The following SPG11 variants were observed in gnomAD, a reference collection of about 807,000 sequenced individuals.
SPG11 encodes spatacsin.
SPG11 carries 222 observed loss-of-function variants against 274.0 expected under a neutral mutation model. The ratio of observed to expected loss-of-function variants is 0.81; its 90% CI spans 0.73 to 0.91. The LOEUF is 0.91. Among genes scored for constraint, SPG11 ranks in the 40% least tolerant of loss-of-function variants. The pLI is 0.00. For missense variants in SPG11, 3,114 were observed against 2,872.7 expected, an observed-to-expected ratio of 1.08 and a Z score of -1.92; for synonymous variants, 1,144 against 1,039.7, an observed-to-expected ratio of 1.10 and a Z score of -1.93.
At chr15:44,571,687 C>T (rs965095381) in intron 33 of SPG11, among the ~76,000 whole-genome samples, 11 of 151,510 alleles carry the variant, frequency 7.3e-5, no homozygotes, top group South Asian at 2.1e-4. Context: ...TTAGTAGAGA[C>T]GGGGTTTCAC....
intron 11 of SPG11, among the ~76,000 whole-genome samples, 176 bp from the exon 12 acceptor site, chr15:44,622,975 G>A (rs1049913377): frequency 1.3e-5 from 2 of 152,176 alleles, no homozygotes; most frequent in Non-Finnish European, 2.9e-5. Context: ...TTTTGAGACA[G>A]TCTAGCTGTG....
At chr15:44,572,575 A>T in intron 33 of SPG11, 108 bp downstream of exon 33, 1 of 1,115,166 alleles carries the variant, frequency 9.0e-7, no homozygotes, top group Non-Finnish European at 1.4e-6. Context: ...CTGGAGGGCT[A>T]GGCATCCAGA....
chr15:44,573,442 A>G (rs1595827989), intron 32 of SPG11, 105 bp downstream of exon 32: 2 of 1,236,634 alleles, frequency 1.6e-6, no homozygotes, highest in Non-Finnish European at 1.2e-6. Flanking sequence ...CAGAAACTTG[A>G]GAGAACCACA....
At chr15:44,604,213 AG>A in intron 20 of SPG11, 1 of 416,062 alleles carries the variant, frequency 2.4e-6, no homozygotes, top group South Asian at 1.8e-5. Flanking sequence ...AAAAAAAAAA[AG>A]GCTTGAAGAC....
intron 22 of SPG11, 128 bp downstream of exon 22, chr15:44,598,503 C>T (rs2083101294): frequency 8.0e-7 from 1 of 1,248,968 alleles, no homozygotes; most frequent in East Asian, 2.4e-5. Context: ...AGACAAAGAA[C>T]ACACACTCTG....
chr15:44,607,818 T>A (rs193103448), intron 19 of SPG11, among the ~76,000 whole-genome samples: 3 of 152,174 alleles, frequency 2.0e-5, no homozygotes, highest in African/African-American at 7.2e-5. Flanking sequence ...CTGAAAAAGA[T>A]TAAAAAGCAC....
intron 11 of SPG11, among the ~76,000 whole-genome samples, chr15:44,626,117 ATCT>A (rs1225100607): frequency 6.6e-6 from 1 of 151,826 alleles, no homozygotes; most frequent in Non-Finnish European, 1.5e-5. Flanking sequence ...GCCTTAAGCG[ATCT>A]TCTTGCCTCA....
At position 44,613,424 on chromosome 15, in the gene SPG11, C is replaced by A; in HGVS notation, c.3145+6G>T. ...AGTTTCTGTGTTTAATACAGTATAC[C>A]CATACCTGTTAAGTTACTGGCAACT... is the stretch of plus-strand genomic sequence containing the variant. On this transcript the variant is annotated splice_donor_region_variant and intron_variant, in intron 17 of 39. Transcript: ENST00000261866. 3 of 1,582,802 alleles carry A rather than the reference C, an allele frequency of 1.9e-6. No homozygotes were observed. Among genetic ancestry groups the A allele is most frequent in the Non-Finnish European group, 2.6e-6 (3 of 1,151,800 alleles).
rs746668721 is a variant in SPG11, at chr15:44,583,983, C to T, written c.5697G>A (p.Arg1899=). 6.2e-7 allele frequency: 1 copy of T among 1,614,218 alleles called. No homozygotes were observed. The highest frequency in any genetic ancestry group is 2.2e-5 in the East Asian group (1 of 44,892). Residue 1899 remains arginine, a synonymous_variant, in exon 30 of 40, where the codon CGG becomes CGA. Transcript: ENST00000261866. ...GCVHEASRVC[R]YFHFYNPDVA... is the part of the protein sequence containing the mutation. ...CATCTGGATTATAAAAATGAAAATA[C>T]CGGCATACTCTACTTGCTTCATGCA...
rs1299040413 is a variant in SPG11, at chr15:44,651,694, A to C, written c.1253T>G (p.Ile418Ser). The C allele has an allele frequency of 6.2e-7, 1 of 1,614,180 alleles. No homozygotes were observed. Among genetic ancestry groups the C allele is most frequent in the African/African-American group, 1.3e-5 (1 of 75,048 alleles). Residue 418 changes from isoleucine (I) to serine (S), a missense_variant, in exon 6 of 40, where the codon ATC becomes AGC. Physicochemically the swap from Ile to Ser is moderately radical, Grantham distance 142. Coordinates refer to ENST00000261866, the MANE Select transcript of SPG11 (RefSeq NM_025137.4). ...DPGRSWKIMH[I>S]SEQEEPIELK... ...CTCTATGGGTTCCTCTTGTTCACTG[A>C]TGTGCATTATTTTCCATGATCTTCC...
intron 7 of SPG11, among the ~76,000 whole-genome samples, chr15:44,635,369 G>A (rs1199365097): frequency 6.6e-6 from 1 of 151,876 alleles, no homozygotes; most frequent in Non-Finnish European, 1.5e-5. Flanking sequence ...GAGCCCAGGA[G>A]TTTGAGACCA....
At position 44,624,903 on chromosome 15, in the gene SPG11, G is replaced by C. The variant is rs138806928; in HGVS notation, c.2244+1428C>G. ...TAATCCCAGCACTTTGGGAGGTCGA[G>C]GCAGGTGGCTCACCTGAGGTCAAGA... On this transcript the variant is annotated intron_variant, in intron 11 of 39. Coordinates refer to ENST00000261866, the MANE Select transcript of SPG11 (RefSeq NM_025137.4). 7.8e-3 allele frequency among the ~76,000 whole-genome samples: 1,183 copies of C among 152,236 alleles called. 19 individuals carry two copies. The highest frequency in any genetic ancestry group is 0.026 in the African/African-American group (1,096 of 41,538).
At chr15:44,624,388 C>T (rs369398491) in intron 11 of SPG11, among the ~76,000 whole-genome samples, 3 of 151,084 alleles carry the variant, frequency 2.0e-5, no homozygotes, top group Admixed American at 6.6e-5. Context: ...CATGGCTGAA[C>T]CTGGAAGATA....
At position 44,567,583 on chromosome 15, in the gene SPG11, G is replaced by C. The variant is rs780664794; in HGVS notation, c.6595C>G (p.Leu2199Val). The part of the protein sequence containing the change: ...MRKKLDPSGT[L>V]KTALLDYIKR... ...ATGTAGTCCAGCAGGGCTGTTTTCA[G>C]GGTACCACTCTGCCCAGAATAAAAG... The change falls in exon 36 of 40, where the codon CTG (leucine) becomes GTG (valine). Residue 2199 changes from leucine (L) to valine (V), a missense_variant. Coordinates refer to ENST00000261866, the MANE Select transcript of SPG11 (RefSeq NM_025137.4). 2 of 1,613,986 alleles carry C rather than the reference G, an allele frequency of 1.2e-6. No homozygotes were observed. Among genetic ancestry groups the C allele is most frequent in the Admixed American group, 3.3e-5 (2 of 60,006 alleles).
At chr15:44,608,924 TA>T (rs1378650576) in intron 18 of SPG11, among the ~76,000 whole-genome samples, 1 of 152,142 alleles carries the variant, frequency 6.6e-6, no homozygotes, top group African/African-American at 2.4e-5. Context: ...TTTAATTCAA[TA>T]ATATATATTT....
At chr15:44,578,907 A>G (rs1479891194) in intron 30 of SPG11, among the ~76,000 whole-genome samples, 2 of 152,240 alleles carry the variant, frequency 1.3e-5, no homozygotes, top group African/African-American at 4.8e-5. Flanking sequence ...TGTAATCCCA[A>G]CACTTTGGGA....
intron 7 of SPG11, among the ~76,000 whole-genome samples, chr15:44,642,422 TA>T (rs1386009414): frequency 6.9e-6 from 1 of 145,456 alleles, no homozygotes; most frequent in Admixed American, 6.8e-5. Context: ...AAAAAATATG[TA>T]AAATATATAA....
At chr15:44,636,958 C>CA (rs1328250311) in intron 7 of SPG11, among the ~76,000 whole-genome samples, 1,017 of 89,108 alleles carry the variant, frequency 0.011, 55 homozygotes, top group Non-Finnish European at 0.016. Flanking sequence ...AAAAAAAAAA[C>CA]AAAAAAAAAA....
intron 18 of SPG11, among the ~76,000 whole-genome samples, chr15:44,609,718 T>C (rs886539691): frequency 6.7e-6 from 1 of 149,550 alleles, no homozygotes; most frequent in Non-Finnish European, 1.5e-5. Context: ...TTCATTCCCC[T>C]CCCTGCCCCC....
Sources: gnomAD v4.1 joint callset for allele counts (sites outside exome capture counted in the v4.1 genomes callset) on GRCh38, gnomAD v4.1.1 for gene constraint, MANE v1.5 for transcripts, NCBI Gene and HGNC (gene_info 2026-07-23, HGNC 2026-07-21) for gene names.